PRKCH: variants seen among roughly 807,000 people sequenced by gnomAD.
The protein encoded by PRKCH is protein kinase C eta type.
In PRKCH, 28 loss-of-function variants were observed where a neutral mutation model predicts 82.5. The observed-to-expected ratio is 0.34, with a 90% confidence interval of 0.25 to 0.47. The LOEUF is 0.47. Ranked by LOEUF, PRKCH falls within the 20% of genes least tolerant of loss-of-function variation. PRKCH has a pLI of 1.00. For synonymous variants in PRKCH, 322 were observed against 327.4 expected (o/e 0.98, Z 0.18); for missense variants, 705 against 881.8 (o/e 0.80, Z 2.54).
intron 10 of PRKCH, among the ~76,000 whole-genome samples, chr14:61,496,403 G>C (rs542132284): frequency 1.2e-3 from 185 of 152,288 alleles, no homozygotes; most frequent in African/African-American, 3.1e-3. Flanking sequence ...TTGAATCCAT[G>C]CAGGTGCTGA....
chr14:61,266,900 C>T (rs1238657367), intron 1 of PRKCH, among the ~76,000 whole-genome samples: 1 of 151,990 alleles, frequency 6.6e-6, no homozygotes, highest in Non-Finnish European at 1.5e-5. Flanking sequence ...AAACAAGAAA[C>T]ACAGTTTTTG....
At chr14:61,353,340 TAA>T in intron 1 of PRKCH, 1 of 152,326 alleles carries the variant, frequency 6.6e-6, no homozygotes, top group Non-Finnish European at 1.5e-5. Context: ...TTATGAGATA[TAA>T]AGATTTACAT....
At chr14:61,293,964 C>T (rs1179743030) in intron 1 of PRKCH, among the ~76,000 whole-genome samples, 2 of 152,148 alleles carry the variant, frequency 1.3e-5, no homozygotes, top group Non-Finnish European at 2.9e-5. Context: ...TTGCATATGT[C>T]ATCCCACTAA....
intron 1 of PRKCH, among the ~76,000 whole-genome samples, chr14:61,214,913 AG>A (rs2044606590): frequency 6.6e-6 from 1 of 152,206 alleles, no homozygotes; most frequent in Non-Finnish European, 1.5e-5. Context: ...CAGATGTTCT[AG>A]TTGAGCATAT....
At chr14:61,278,988 C>CACACACACACAA in intron 1 of PRKCH, 1 of 151,466 alleles carries the variant, frequency 6.6e-6, no homozygotes, top group Admixed American at 6.6e-5. Context: ...CACACACACA[C>CACACACACACAA]ACACACACAC....
chr14:61,236,250 G>A (rs943995858), intron 1 of PRKCH, among the ~76,000 whole-genome samples: 1 of 151,864 alleles, frequency 6.6e-6, no homozygotes, highest in Admixed American at 6.6e-5. Flanking sequence ...TCAGAGGCGT[G>A]TGAAGCAGAG....
intron 1 of PRKCH, chr14:61,187,749 C>A (rs1418113836): frequency 1.3e-5 from 2 of 152,162 alleles, no homozygotes; most frequent in Non-Finnish European, 2.9e-5. Flanking sequence ...GAAAAAAATA[C>A]AAATTAAGAA....
chr14:61,328,764 G>A (rs1313402348), intron 1 of PRKCH, among the ~76,000 whole-genome samples: 2 of 151,992 alleles, frequency 1.3e-5, no homozygotes, highest in Admixed American at 6.6e-5. Flanking sequence ...AAGGCAATAG[G>A]ATCCCTTGGG....
chr14:61,408,567 T>C (rs888086186), intron 2 of PRKCH, among the ~76,000 whole-genome samples: 2 of 152,132 alleles, frequency 1.3e-5, no homozygotes, highest in Non-Finnish European at 2.9e-5. Context: ...TAAGCAATGG[T>C]TGCCTTATGT....
At chr14:61,455,248 C>T (rs1884709261) in intron 7 of PRKCH, among the ~76,000 whole-genome samples, 1 of 149,636 alleles carries the variant, frequency 6.7e-6, no homozygotes, top group Admixed American at 6.7e-5. Flanking sequence ...CAACGTGTTA[C>T]CCAGGATGGT....
chr14:61,483,668 G>A (rs371421696), intron 9 of PRKCH, among the ~76,000 whole-genome samples: 11 of 152,152 alleles, frequency 7.2e-5, no homozygotes, highest in African/African-American at 2.2e-4. Flanking sequence ...CTGAGCAGGA[G>A]CACGCACCCT....
intron 1 of PRKCH, among the ~76,000 whole-genome samples, chr14:61,262,070 A>G (rs2045050728): frequency 6.6e-6 from 1 of 151,792 alleles, no homozygotes; most frequent in South Asian, 2.1e-4. Flanking sequence ...AAATACAAAA[A>G]ATTAGCTGGG....
At chr14:61,542,067 A>G (rs2043193630) in intron 12 of PRKCH, among the ~76,000 whole-genome samples, 1 of 152,180 alleles carries the variant, frequency 6.6e-6, no homozygotes, top group Non-Finnish European at 1.5e-5. Context: ...AGGCAGGCGG[A>G]TCACTTGAGG....
chr14:61,445,611 A>G (rs1344069784), intron 3 of PRKCH, 81 bp from the exon 4 acceptor site: 7 of 1,217,912 alleles, frequency 5.7e-6, no homozygotes, highest in Non-Finnish European at 8.5e-6. Context: ...GGAGGAGAGG[A>G]TGAAATTTGT....
At chr14:61,254,254 C>G (rs1191196385) in intron 1 of PRKCH, among the ~76,000 whole-genome samples, 16 of 151,956 alleles carry the variant, frequency 1.1e-4, no homozygotes, top group African/African-American at 3.6e-4. Flanking sequence ...AAATAAATAA[C>G]AAGCTTTTAC....
rs1024622337 is a variant in PRKCH, at chr14:61,280,694, G to C, written c.-19+93026G>C. 1.3e-6 allele frequency: 2 copies of C among 1,578,068 alleles called. No homozygotes were observed. Among genetic ancestry groups the C allele is most frequent in the Non-Finnish European group, 1.7e-6 (2 of 1,164,842 alleles). The stretch of plus-strand genomic sequence containing the variant: ...GCGATGGGCAGGCCGGCCGCGCTGC[G>C]CTGGTAGGGGGCGCACTCGTTGACA... On this transcript the variant is annotated intron_variant, in intron 1 of 3. Coordinates refer to the PRKCH transcript ENST00000555185. The surrounding 1 kb of genome is among the most constrained non-coding windows in gnomAD (Gnocchi z 5.0).
At chr14:61,391,138 A>G (rs2046673509) in intron 1 of PRKCH, 87 bp from the exon 2 acceptor site, 8 of 1,072,952 alleles carry the variant, frequency 7.5e-6, no homozygotes, top group Middle Eastern at 5.2e-4. Flanking sequence ...TGATTTACAC[A>G]TTAGGCCTCT....
intron 10 of PRKCH, among the ~76,000 whole-genome samples, chr14:61,504,374 G>C (rs1406448462): frequency 1.3e-5 from 2 of 152,070 alleles, no homozygotes; most frequent in Non-Finnish European, 2.9e-5. Context: ...ATTTTTAGTA[G>C]AGATGGGGTC....
chr14:61,348,673 CA>C (rs1258935940), intron 1 of PRKCH, among the ~76,000 whole-genome samples: 1 of 152,246 alleles, frequency 6.6e-6, no homozygotes, highest in African/African-American at 2.4e-5. Flanking sequence ...TCACAGTCAC[CA>C]AAAGCCACTA....
Sources: allele counts gnomAD v4.1 joint callset (sites outside exome capture counted in the v4.1 genomes callset), GRCh38; gene constraint gnomAD v4.1.1; non-coding constraint Gnocchi (gnomAD v3.1); transcripts MANE v1.5; gene names NCBI Gene and HGNC (gene_info 2026-07-23, HGNC 2026-07-21).